KDM2B: variants seen among roughly 807,000 people sequenced by gnomAD.
The protein encoded by KDM2B is lysine demethylase 2B.
Under a neutral mutation model 150.0 loss-of-function variants are expected in KDM2B, and 26 were observed. The ratio of observed to expected loss-of-function variants is 0.17; its 90% confidence interval spans 0.13 to 0.24. KDM2B has a LOEUF of 0.24. KDM2B is among the 10% of genes least tolerant of loss of function. KDM2B has a pLI of 1.00. For synonymous variants in KDM2B, 734 were observed against 729.5 expected (o/e 1.01, Z -0.10); for missense variants, 1,265 against 1,816.9 (o/e 0.70, Z 5.52).
Position 121,452,551 on chromosome 12 carries a change from G to C in KDM2B, c.1959+569C>G, listed in dbSNP as rs1025725580. ...GCCCTGAGGAAGGCAGAGCATGTGGGTGTGTACAAGGGAATTCAAGGGCAA... is the reference window on the plus strand; with the variant it reads ...GCCCTGAGGAAGGCAGAGCATGTGGCTGTGTACAAGGGAATTCAAGGGCAA... On this transcript the variant is annotated intron_variant, in intron 13 of 22. Transcript: ENST00000377071. The surrounding 1 kb of genome is among the most constrained non-coding windows in gnomAD (Gnocchi z 4.4). Among the ~76,000 whole-genome samples, 9 of 152,256 alleles carry C rather than the reference G, an allele frequency of 5.9e-5. No homozygotes were observed. The highest frequency in any genetic ancestry group is 1.9e-4 in the African/African-American group (8 of 41,466).
intron 8 of KDM2B, among the ~76,000 whole-genome samples, chr12:121,527,992 C>T (rs1055395590): frequency 6.6e-6 from 1 of 152,162 alleles, no homozygotes; most frequent in Non-Finnish European, 1.5e-5. Flanking sequence ...TCCTATTCCC[C>T]GGGGGTGACT....
chr12:121,483,716 AACACACAC>A (rs10541701), intron 12 of KDM2B, among the ~76,000 whole-genome samples: 2 of 150,322 alleles, frequency 1.3e-5, no homozygotes, highest in Admixed American at 6.6e-5. Context: ...AAACAACAAC[AACACACAC>A]ACACACACAC....
chr12:121,434,901 G>A (rs1461894328), intron 22 of KDM2B, among the ~76,000 whole-genome samples: 2 of 152,178 alleles, frequency 1.3e-5, no homozygotes, highest in African/African-American at 4.8e-5. Context: ...AAGCTGCAGT[G>A]AGCTGACATT....
Position 121,430,459 on chromosome 12 carries a change from C to G in KDM2B, c.3840G>C (p.Lys1280Asn), listed in dbSNP as rs1555285267. 2 of 1,613,452 alleles carry G rather than the reference C, an allele frequency of 1.2e-6. No homozygotes were observed. The highest frequency in any genetic ancestry group is 2.7e-5 in the African/African-American group (2 of 74,990). ...AGAAGGACAGGCACTGATCAGTGAC[C>G]TTATTGCAGTCTGCAGAGAAGAAAT... is the stretch of plus-strand genomic sequence containing the variant. ...LTEINLSDCN[K>N]VTDQCLSFFK... Residue 1280 changes from lysine (K) to asparagine (N), a missense_variant, in exon 23 of 23, where the codon AAG becomes AAC. This residue lies in a region of KDM2B where 251 missense variants were observed against 397.8 expected (regional missense o/e 0.63). Transcript: ENST00000377071. This position sits in a 1 kb window ranked among gnomAD's most constrained non-coding sequence, Gnocchi z 4.4.
At position 121,440,256 on chromosome 12, in the gene KDM2B, T is replaced by C. The variant is rs574797391; in HGVS notation, c.3611-181A>G. ...AAAAATCAGACTCCACATCAAAACT[T>C]AGATTTTCAGATTCTCTTGAAAAAC... On this transcript the variant is annotated intron_variant, in intron 21 of 22. Transcript: ENST00000377071. 12 of 602,502 alleles carry C rather than the reference T, an allele frequency of 2.0e-5. No homozygotes were observed. The African/African-American group carries it at 2.2e-4, about 11-fold the overall frequency. 37.3% of individuals were successfully genotyped at this position (602,502 alleles called of 1,614,324 possible). A position where few individuals can be genotyped will look rare whatever the true frequency, so the allele number is the denominator to read the frequency against.
rs1416076057 is a variant in KDM2B at position 121,549,019 on chromosome 12, CACTGCCG to C, written c.577-43_577-37del. On this transcript the variant is annotated intron_variant, in intron 5 of 22. Coordinates refer to ENST00000377071, the MANE Select transcript of KDM2B (RefSeq NM_032590.5). This position sits in a 1 kb window ranked among gnomAD's most constrained non-coding sequence, Gnocchi z 4.4. Reference sequence around the variant, plus strand: ...GACCAGTGTGAGCACTGCATTTCTCCACTGCCGAGCCAGACACAAATACCCCTTTCCC... The same window carrying C: ...GACCAGTGTGAGCACTGCATTTCTCCAGCCAGACACAAATACCCCTTTCCC... 1 of 1,541,052 alleles carries C rather than the reference CACTGCCG, an allele frequency of 6.5e-7. No individual in the cohort carries two copies. Among genetic ancestry groups the C allele is most frequent in the Non-Finnish European group, 9.0e-7 (1 of 1,114,000 alleles).
intron 12 of KDM2B, among the ~76,000 whole-genome samples, chr12:121,477,864 C>CCG: frequency 6.6e-6 from 1 of 151,846 alleles, no homozygotes; most frequent in South Asian, 2.1e-4. Flanking sequence ...AGGTGTGAGC[C>CCG]ATCGTGCCCA....
At chr12:121,438,688 A>T (rs1593727444) in intron 22 of KDM2B, among the ~76,000 whole-genome samples, 1 of 152,172 alleles carries the variant, frequency 6.6e-6, no homozygotes, top group Non-Finnish European at 1.5e-5. Context: ...TGCCCCTGCT[A>T]TGAGGCATGG....
Position 121,467,130 on chromosome 12 carries a change from TC to T in KDM2B, c.1735-13787del. 1 of 1,113,710 alleles carries T rather than the reference TC, an allele frequency of 9.0e-7. No homozygotes were observed. 69.0% of individuals were successfully genotyped at this position (1,113,710 alleles called of 1,614,324 possible). On this transcript the variant is annotated intron_variant, in intron 12 of 22. Transcript: ENST00000377071. The surrounding 1 kb of genome is among the most constrained non-coding windows in gnomAD (Gnocchi z 5.1). ...GTCGGGAGGTCGTGCGGCGGGTCCC[TC>T]CCTCAGCCCCACCCCGGGCCGCCGA...
the KDM2B span, chr12:121,417,877 G>A: frequency 2.3e-5 from 37 of 1,613,936 alleles, no homozygotes; most frequent in Non-Finnish European, 8.5e-7. This position sits in a 1 kb window ranked among gnomAD's most constrained non-coding sequence, Gnocchi z 5.0. Flanking sequence ...CTTATGGATG[G>A]AGACCAAACA....
downstream of KDM2B, among the ~76,000 whole-genome samples, chr12:121,424,915 G>A (rs920604962): frequency 1.3e-5 from 2 of 152,168 alleles, no homozygotes; most frequent in Non-Finnish European, 2.9e-5. Flanking sequence ...CCTCTGAGAA[G>A]TTAGACTTGT....
At chr12:121,419,388 T>C in the KDM2B span, among the ~76,000 whole-genome samples, 4 of 152,190 alleles carry the variant, frequency 2.6e-5, no homozygotes, top group African/African-American at 9.7e-5. Flanking sequence ...CTCCTAGTCG[T>C]CAAGCAACAC....
At chr12:121,443,151 CCCACAAATGCCATCT>C in intron 17 of KDM2B, 121 bp from the exon 18 acceptor site, 2 of 893,910 alleles carry the variant, frequency 2.2e-6, no homozygotes, top group Admixed American at 2.3e-5. Context: ...GGAGGCCTTC[CCCACAAATGCCATCT>C]CCACGTCTGA....
At chr12:121,484,759 A>C (rs1882571183) in intron 12 of KDM2B, among the ~76,000 whole-genome samples, 1 of 152,188 alleles carries the variant, frequency 6.6e-6, no homozygotes. Flanking sequence ...TCGAGGCTGC[A>C]GTGAGCTGTG....
chr12:121,431,125 A>C (rs1262924358), intron 22 of KDM2B, among the ~76,000 whole-genome samples: 1 of 137,278 alleles, frequency 7.3e-6, no homozygotes, highest in Non-Finnish European at 1.6e-5. Flanking sequence ...ATCTGCAGAC[A>C]CACCCTTTGT....
At chr12:121,474,350 T>TA (rs1242648967) in intron 12 of KDM2B, among the ~76,000 whole-genome samples, 1 of 151,720 alleles carries the variant, frequency 6.6e-6, no homozygotes, top group Non-Finnish European at 1.5e-5. Flanking sequence ...CCGTCCCTAC[T>TA]AAAAAATACA....
chr12:121,488,962 C>T (rs550287176), intron 12 of KDM2B, among the ~76,000 whole-genome samples: 1 of 152,280 alleles, frequency 6.6e-6, no homozygotes, highest in African/African-American at 2.4e-5. Context: ...GCGTACACCA[C>T]CACGCCAGAT....
chr12:121,420,412 A>G, the KDM2B span: 1 of 1,552,424 alleles, frequency 6.4e-7, no homozygotes, highest in South Asian at 1.2e-5. Flanking sequence ...GACATTCGCT[A>G]GATTAGTACA....
chr12:121,446,210 A>T (rs572152915), intron 13 of KDM2B, among the ~76,000 whole-genome samples: 90 of 152,248 alleles, frequency 5.9e-4, no homozygotes, highest in Non-Finnish European at 8.5e-4. Flanking sequence ...CCCGGCTACC[A>T]CGGTGAAACC....
Sources: gnomAD v4.1 joint callset for allele counts (sites outside exome capture counted in the v4.1 genomes callset) on GRCh38, gnomAD v4.1.1 for gene constraint, gnomAD v4.1.1 regional missense constraint, Gnocchi (gnomAD v3.1) non-coding constraint, MANE v1.5 for transcripts, NCBI Gene and HGNC (gene_info 2026-07-23, HGNC 2026-07-21) for gene names.